Variants in SHISA5 observed in about 807,000 individuals in gnomAD.
SHISA5 encodes the protein shisa family member 5.
SHISA5 carries 21 observed loss-of-function variants against 27.5 expected under a neutral mutation model. The observed-to-expected ratio is 0.76, with a 90% CI of 0.54 to 1.10. SHISA5 has a LOEUF of 1.10. SHISA5 is among the 50% of genes least tolerant of loss of function. The probability of loss-of-function intolerance (pLI) is 0.00; values close to 1 mark genes in which losing one functional copy is unlikely to be tolerated. For synonymous variants in SHISA5, 137 were observed against 142.2 expected (o/e 0.96, Z 0.26); for missense variants, 314 against 336.3 (o/e 0.93, Z 0.52).
At chr3:48,474,086 T>G in intron 3 of SHISA5, among the ~76,000 whole-genome samples, 1 of 151,578 alleles carries the variant, frequency 6.6e-6, no homozygotes, top group Middle Eastern at 3.4e-3. Flanking sequence ...TAAAGGAAAT[T>G]TTATTATTAT....
intron 2 of SHISA5, among the ~76,000 whole-genome samples, chr3:48,481,171 T>C (rs1032166569): frequency 1.3e-5 from 2 of 152,102 alleles, no homozygotes; most frequent in African/African-American, 4.8e-5. Context: ...CTGGGCGTGG[T>C]GGCTCACGCC....
In SHISA5 at chr3:48,470,788, ACGGTGGCGGGTGCCTGTAATCC is replaced by A. The variant is rs1203594111; in HGVS notation, c.315-967_315-946del. On this transcript the variant is annotated intron_variant, in intron 3 of 5. Transcript: ENST00000296444. The surrounding 1 kb of genome is among the most constrained non-coding windows in gnomAD (Gnocchi z 4.3). ...CTAAAAATACAAAAATTAGTCGGGC[ACGGTGGCGGGTGCCTGTAATCC>A]CAGCTACTTGGGAGGCTGAGGCAGG... 4.6e-5 allele frequency among the ~76,000 whole-genome samples: 7 copies of A among 152,218 alleles called. No individual in the cohort carries two copies. The highest frequency in any genetic ancestry group is 2.1e-4 in the South Asian group (1 of 4,816).
At chr3:48,492,119 C>G (rs1259959892) in intron 2 of SHISA5, among the ~76,000 whole-genome samples, 1 of 130,508 alleles carries the variant, frequency 7.7e-6, no homozygotes, top group African/African-American at 3.0e-5. Context: ...TGCCACTCCA[C>G]TCCAGCCGGG....
chr3:48,480,199 G>A (rs2040963096), intron 2 of SHISA5, among the ~76,000 whole-genome samples: 1 of 151,740 alleles, frequency 6.6e-6, no homozygotes, highest in Non-Finnish European at 1.5e-5. Flanking sequence ...CACCACGCCT[G>A]GCCTCCACAG....
chr3:48,472,506 A>G (rs1268796435), intron 3 of SHISA5, among the ~76,000 whole-genome samples: 1 of 152,194 alleles, frequency 6.6e-6, no homozygotes, highest in Non-Finnish European at 1.5e-5. Flanking sequence ...CAAAAAAATA[A>G]AAAATAATAA....
Position 48,492,963 on chromosome 3 carries a change from T to C in SHISA5, c.233+8174A>G, listed in dbSNP as rs1193101538. 5.4e-5 allele frequency among the ~76,000 whole-genome samples: 8 copies of C among 147,530 alleles called. 1 individual carries two copies. The highest frequency in any genetic ancestry group is 1.2e-4 in the Non-Finnish European group (8 of 67,892). On this transcript the variant is annotated intron_variant, in intron 2 of 5. Coordinates refer to ENST00000296444, the MANE Select transcript of SHISA5 (RefSeq NM_016479.6). ...CTCCTGCCTCTAGGACTGTGAGAAA[T>C]GTTTGTTGTTTAAGCCACACAATCT...
chr3:48,489,654 G>T (rs1274581962), intron 2 of SHISA5, among the ~76,000 whole-genome samples: 2 of 135,120 alleles, frequency 1.5e-5, no homozygotes, highest in Non-Finnish European at 1.5e-5. Flanking sequence ...TTGAGACAGG[G>T]TCTCACTCTG....
intron 2 of SHISA5, among the ~76,000 whole-genome samples, chr3:48,481,500 T>C (rs2041012930): frequency 7.1e-6 from 1 of 141,368 alleles, no homozygotes; most frequent in Non-Finnish European, 1.5e-5. Flanking sequence ...TTAAAAGTAA[T>C]GGAAAATGTG....
At chr3:48,478,308 G>A (rs1370134897) in intron 3 of SHISA5, among the ~76,000 whole-genome samples, 4 of 152,194 alleles carry the variant, frequency 2.6e-5, no homozygotes, top group Non-Finnish European at 5.9e-5. Context: ...TAGCCAGTGA[G>A]GCCCCACACC....
Position 48,469,532 on chromosome 3 carries a change from G to A in SHISA5, c.472C>T (p.Pro158Ser), listed in dbSNP as rs776149395. ...GGCACACTTGGAGGCTGAGGATAAG[G>A]GGCATGCACCACAGTGGTGGATGTG... ...TTTSTTVVHA[P>S]YPQPPSVPPS... The change falls in exon 5 of 6, where the codon CCT becomes TCT. Residue 158 changes from proline to serine, a missense_variant. By Grantham distance (74) the Pro-to-Ser change is moderately conservative (BLOSUM62 -1). Transcript: ENST00000296444. The surrounding 1 kb of genome is among the most constrained non-coding windows in gnomAD (Gnocchi z 4.6). 11 of 1,613,084 alleles carry A rather than the reference G, an allele frequency of 6.8e-6. No individual in the cohort carries two copies. The highest frequency in any genetic ancestry group is 9.3e-6 in the Non-Finnish European group (11 of 1,179,490).
At chr3:48,471,554 CAAA>C (rs1553822500) in intron 3 of SHISA5, among the ~76,000 whole-genome samples, 3 of 16,710 alleles carry the variant, frequency 1.8e-4, no homozygotes, top group Admixed American at 6.2e-4. Flanking sequence ...GACTCTGTCT[CAAA>C]AAAAAAAAAA....
chr3:48,503,291 G>C, intron 1 of SHISA5: 1 of 700,898 alleles, frequency 1.4e-6, no homozygotes, highest in South Asian at 1.4e-5. Flanking sequence ...CCTCCTACAG[G>C]CTCACTCCAG....
At chr3:48,502,151 C>T (rs935567767) in intron 1 of SHISA5, among the ~76,000 whole-genome samples, 5 of 152,128 alleles carry the variant, frequency 3.3e-5, no homozygotes, top group Non-Finnish European at 5.9e-5. Flanking sequence ...CATGAGCCAC[C>T]GCACCCCAGC....
chr3:48,503,929 G>T, intron 1 of SHISA5, 90 bp downstream of exon 1: 1 of 1,383,050 alleles, frequency 7.2e-7, no homozygotes, highest in Non-Finnish European at 9.4e-7. Context: ...GCATAGTGGG[G>T]CTGGTGCTGC....
At chr3:48,479,131 G>A in intron 3 of SHISA5, 46 bp downstream of exon 3, 1 of 1,548,292 alleles carries the variant, frequency 6.5e-7, no homozygotes, top group Non-Finnish European at 8.8e-7. Flanking sequence ...GAGCCCTCTT[G>A]TCACCTTTGC....
At chr3:48,495,769 C>T (rs1474351269) in intron 2 of SHISA5, among the ~76,000 whole-genome samples, 3 of 147,562 alleles carry the variant, frequency 2.0e-5, no homozygotes, top group Non-Finnish European at 4.4e-5. Context: ...GATCTGCCCA[C>T]CTCAGCCTTC....
intron 2 of SHISA5, among the ~76,000 whole-genome samples, chr3:48,480,810 A>G (rs769285742): frequency 4.6e-5 from 7 of 152,094 alleles, no homozygotes; most frequent in Non-Finnish European, 8.8e-5. Flanking sequence ...AATAAATGAT[A>G]TGGGCCAGGG....
At position 48,472,868 on chromosome 3, in the gene SHISA5, C is replaced by G. The variant is rs1256667541; in HGVS notation, c.315-3025G>C. On this transcript the variant is annotated intron_variant, in intron 3 of 5. Transcript: ENST00000296444. ...CCAGCAGACTACAGGTGTCTTCCGG[C>G]CCAACCAGAGGCAGGAATGGAGAAA... 4.4e-6 allele frequency: 4 copies of G among 918,348 alleles called. No individual in the cohort carries two copies. In the East Asian group the frequency reaches 1.1e-4, roughly 24 times the overall value. 56.9% of individuals were successfully genotyped at this position (918,348 alleles called of 1,614,324 possible).
chr3:48,489,327 T>TC (rs2041349791), intron 2 of SHISA5, among the ~76,000 whole-genome samples: 1 of 135,198 alleles, frequency 7.4e-6, no homozygotes, highest in South Asian at 2.2e-4. Context: ...TATTTTTTTA[T>TC]TTTTTTATTT....
Sources: allele counts gnomAD v4.1 joint callset (sites outside exome capture counted in the v4.1 genomes callset), GRCh38; gene constraint gnomAD v4.1.1; non-coding constraint Gnocchi (gnomAD v3.1); transcripts MANE v1.5; gene names NCBI Gene and HGNC (gene_info 2026-07-23, HGNC 2026-07-21).